The following CNTNAP2 variants were observed in gnomAD, a reference collection of about 807,000 sequenced individuals.
CNTNAP2 encodes the protein contactin-associated protein-like 2.
Under a neutral mutation model 155.2 loss-of-function variants are expected in CNTNAP2, and 98 were observed. The observed-to-expected ratio is 0.63, with a 90% CI of 0.54 to 0.75. The LOEUF (loss-of-function observed/expected upper bound fraction) is 0.75, where lower values mean the gene tolerates loss of function less well. CNTNAP2 is among the 30% of genes least tolerant of loss of function. CNTNAP2 has a pLI of 0.00. For synonymous variants in CNTNAP2, 651 were observed against 631.2 expected (o/e 1.03, Z -0.47); for missense variants, 1,727 against 1,688.1 (o/e 1.02, Z -0.40).
intron 3 of CNTNAP2, among the ~76,000 whole-genome samples, chr7:146,964,276 A>G: frequency 6.6e-6 from 1 of 152,218 alleles, no homozygotes; most frequent in East Asian, 1.9e-4. Flanking sequence ...TTACAAAAAC[A>G]TGCAAAATTT....
At chr7:146,701,787 C>T (rs1800882456) in intron 1 of CNTNAP2, among the ~76,000 whole-genome samples, 1 of 152,066 alleles carries the variant, frequency 6.6e-6, no homozygotes, top group South Asian at 2.1e-4. Flanking sequence ...GAAGTAAGCC[C>T]TTCTCAAAAT....
rs369112350 is a variant in CNTNAP2, at chr7:147,578,956, A to G, written c.1897+16699A>G. Among the ~76,000 whole-genome samples, 13 of 152,252 alleles carry G rather than the reference A, an allele frequency of 8.5e-5. No homozygotes were observed. The East Asian group carries it at 2.5e-3, about 29-fold the overall frequency. On this transcript the variant is annotated intron_variant, in intron 12 of 23. Coordinates refer to ENST00000361727, the MANE Select transcript of CNTNAP2 (RefSeq NM_014141.6). ...TCAATATTATTTTAAAATATTGAAT[A>G]TCTTTAATAAATATGGAGAAAAAAT...
At chr7:147,009,370 TATA>T (rs1221572986) in intron 3 of CNTNAP2, among the ~76,000 whole-genome samples, 1 of 152,164 alleles carries the variant, frequency 6.6e-6, no homozygotes, top group Non-Finnish European at 1.5e-5. Flanking sequence ...AATCAAGCCA[TATA>T]ATGTCTAACA....
chr7:146,230,465 T>A (rs1799365397), intron 1 of CNTNAP2, among the ~76,000 whole-genome samples: 1 of 152,236 alleles, frequency 6.6e-6, no homozygotes. Context: ...CCTTAATGTA[T>A]GTTGCAGTTT....
chr7:148,078,790 A>G (rs1156879024), intron 15 of CNTNAP2, among the ~76,000 whole-genome samples: 2 of 152,180 alleles, frequency 1.3e-5, no homozygotes, highest in Non-Finnish European at 2.9e-5. Context: ...CTGAGAATAG[A>G]TTTTTGACAT....
chr7:147,524,542 G>C (rs902995387), intron 11 of CNTNAP2, among the ~76,000 whole-genome samples: 1 of 152,202 alleles, frequency 6.6e-6, no homozygotes, highest in Non-Finnish European at 1.5e-5. Flanking sequence ...TTTGCACTGT[G>C]ACAAGAACTG....
At chr7:146,392,847 T>G (rs963784320) in intron 1 of CNTNAP2, among the ~76,000 whole-genome samples, 5 of 152,166 alleles carry the variant, frequency 3.3e-5, no homozygotes, top group Non-Finnish European at 7.3e-5. Context: ...GACCTCAGGC[T>G]AGTATTTCCA....
intron 4 of CNTNAP2, among the ~76,000 whole-genome samples, chr7:147,064,971 G>C (rs992585917): frequency 6.6e-6 from 1 of 152,064 alleles, no homozygotes; most frequent in Non-Finnish European, 1.5e-5. Context: ...ATAAAATGCT[G>C]AGTATTTAAA....
chr7:147,329,768 TA>T (rs1795523566), intron 9 of CNTNAP2, among the ~76,000 whole-genome samples: 1 of 144,900 alleles, frequency 6.9e-6, no homozygotes, highest in African/African-American at 2.5e-5. Context: ...TCGCCATTTA[TA>T]GTTCTTAATT....
At chr7:146,592,894 G>A (rs1584997436) in intron 1 of CNTNAP2, among the ~76,000 whole-genome samples, 1 of 152,056 alleles carries the variant, frequency 6.6e-6, no homozygotes, top group East Asian at 1.9e-4. Flanking sequence ...ACTGCATGCA[G>A]TTTATGTAGC....
At chr7:147,414,151 G>A (rs747652305) in intron 10 of CNTNAP2, among the ~76,000 whole-genome samples, 2 of 152,100 alleles carry the variant, frequency 1.3e-5, no homozygotes, top group East Asian at 1.9e-4. Context: ...AAGGCTGGGC[G>A]CAGTGGCTCA....
chr7:147,204,167 A>G lies in CNTNAP2; in HGVS notation c.1348+71658A>G, dbSNP rs1293658489. 2.0e-5 allele frequency among the ~76,000 whole-genome samples: 3 copies of G among 152,002 alleles called. No individual in the cohort carries two copies. The East Asian group carries it at 5.8e-4, about 29-fold the overall frequency. ...ATAGGATGATATAGATTATTCTGAAAGAAAATAAGAGAGCAGCTTATGCCA... is the reference window on the plus strand; with the variant it reads ...ATAGGATGATATAGATTATTCTGAAGGAAAATAAGAGAGCAGCTTATGCCA... On this transcript the variant is annotated intron_variant, in intron 8 of 23. Transcript: ENST00000361727.
intron 13 of CNTNAP2, among the ~76,000 whole-genome samples, chr7:147,848,194 G>A (rs1798847293): frequency 7.0e-6 from 1 of 142,062 alleles, no homozygotes; most frequent in African/African-American, 2.5e-5. Context: ...CCCTCCCCCA[G>A]CCTCGTTGCC....
chr7:147,617,119 A>G (rs996821040), intron 12 of CNTNAP2, among the ~76,000 whole-genome samples: 7 of 152,140 alleles, frequency 4.6e-5, no homozygotes, highest in Non-Finnish European at 1.0e-4. Flanking sequence ...AATAAGAAGG[A>G]TAAAATTGCT....
chr7:146,484,861 A>G (rs961179281), intron 1 of CNTNAP2, among the ~76,000 whole-genome samples: 2 of 152,114 alleles, frequency 1.3e-5, no homozygotes, highest in African/African-American at 2.4e-5. Context: ...ACATATTCTT[A>G]TTTTTAAGGT....
chr7:146,613,526 A>T (rs1490997771), intron 1 of CNTNAP2, among the ~76,000 whole-genome samples: 1 of 152,214 alleles, frequency 6.6e-6, no homozygotes, highest in East Asian at 1.9e-4. Flanking sequence ...ACAAAGATAA[A>T]TACATTTTAT....
At chr7:146,865,901 C>T (rs1390129042) in intron 3 of CNTNAP2, among the ~76,000 whole-genome samples, 1 of 152,074 alleles carries the variant, frequency 6.6e-6, no homozygotes, top group African/African-American at 2.4e-5. Context: ...AACACAATGA[C>T]CCGTTTTCCT....
At chr7:146,507,425 C>T (rs1226565284) in intron 1 of CNTNAP2, among the ~76,000 whole-genome samples, 2 of 152,192 alleles carry the variant, frequency 1.3e-5, no homozygotes, top group Non-Finnish European at 2.9e-5. Flanking sequence ...ATTTGGCTGC[C>T]AGAAAAGCCA....
At chr7:147,643,967 C>G (rs1489423224) in intron 13 of CNTNAP2, among the ~76,000 whole-genome samples, 1 of 152,050 alleles carries the variant, frequency 6.6e-6, no homozygotes, top group Non-Finnish European at 1.5e-5. Context: ...TCTTTTATTA[C>G]TACAAAACTT....
Sources: gnomAD v4.1 joint callset for allele counts (sites outside exome capture counted in the v4.1 genomes callset) on GRCh38, gnomAD v4.1.1 for gene constraint, MANE v1.5 for transcripts, NCBI Gene and HGNC (gene_info 2026-07-23, HGNC 2026-07-21) for gene names.